The following GAB1 variants were observed in gnomAD, a reference collection of about 807,000 sequenced individuals.
The protein encoded by GAB1 is GRB2 associated binding protein 1.
A neutral mutation model predicts 66.5 loss-of-function variants in GAB1; 19 were observed. The ratio of observed to expected loss-of-function variants is 0.29; its 90% CI spans 0.20 to 0.42. The LOEUF (loss-of-function observed/expected upper bound fraction) is 0.42, where lower values mean the gene tolerates loss of function less well. GAB1 is among the 10% of genes least tolerant of loss of function. GAB1 has a pLI of 1.00. For synonymous variants in GAB1, 294 were observed against 301.4 expected, an observed-to-expected ratio of 0.98 and a Z score of 0.25; for missense variants, 732 against 858.5, an observed-to-expected ratio of 0.85 and a Z score of 1.84.
intron 8 of GAB1, chr4:143,465,899 T>C: frequency 2.4e-6 from 1 of 418,310 alleles, no homozygotes. Context: ...GTTTAACTTT[T>C]GAAACTACGT....
At chr4:143,382,712 G>A (rs1730708021) in intron 1 of GAB1, among the ~76,000 whole-genome samples, 1 of 152,068 alleles carries the variant, frequency 6.6e-6, no homozygotes, top group Admixed American at 6.6e-5. Flanking sequence ...ACACTTGGAG[G>A]ATCATATGAC....
intron 3 of GAB1, among the ~76,000 whole-genome samples, chr4:143,436,946 C>G (rs535993612): frequency 1.9e-4 from 29 of 152,118 alleles, no homozygotes; most frequent in African/African-American, 6.5e-4. Flanking sequence ...GTTGGCCATT[C>G]CCAGGGAGAG....
chr4:143,467,559 T>C (rs1735858163), intron 9 of GAB1, among the ~76,000 whole-genome samples: 1 of 152,232 alleles, frequency 6.6e-6, no homozygotes, highest in Non-Finnish European at 1.5e-5. Flanking sequence ...GAGGTCTGAA[T>C]CTGTGTATAT....
chr4:143,358,608 G>A (rs905790620), intron 1 of GAB1, among the ~76,000 whole-genome samples: 11 of 152,248 alleles, frequency 7.2e-5, no homozygotes, highest in African/African-American at 2.4e-4. Context: ...CTAAAACAAC[G>A]TTAGTGAAAC....
In GAB1 at chr4:143,349,593, G is replaced by A. The variant is rs922585052; in HGVS notation, c.72+12333G>A. 78 of 1,489,224 alleles carry A rather than the reference G, an allele frequency of 5.2e-5. No individual in the cohort carries two copies. The African/African-American group carries it at 6.9e-4, about 13-fold the overall frequency. 92.3% of individuals were successfully genotyped at this position (1,489,224 alleles called of 1,614,324 possible). A position where few individuals can be genotyped will look rare whatever the true frequency, so the allele number is the denominator to read the frequency against. On this transcript the variant is annotated intron_variant, in intron 1 of 9. Transcript: ENST00000262994. ...GGATGAGGTGCACCAGCACAGAGCC[G>A]CAGCGGCCTGTCACCTTGCAAGGGA...
Position 143,438,428 on chromosome 4 carries a change from T to G in GAB1, c.1023T>G (p.Pro341=). 1 of 1,613,942 alleles carries G rather than the reference T, an allele frequency of 6.2e-7. No homozygotes were observed. Among genetic ancestry groups the G allele is most frequent in the Non-Finnish European group, 8.5e-7 (1 of 1,179,968 alleles). ...TSKLDTIPDI[P]PPRPPKPHPA... is the part of the protein sequence containing the mutation. ...AGCTAGACACTATTCCAGATATTCC[T>G]CCACCTCGGCCACCGAAACCACATC... The change falls in exon 4 of 10, where the codon CCT becomes CCG. Residue 341 remains proline (P), a synonymous_variant. Transcript: ENST00000262994.
chr4:143,464,686 G>A (rs1735687941), intron 8 of GAB1, among the ~76,000 whole-genome samples: 1 of 152,164 alleles, frequency 6.6e-6, no homozygotes, highest in Admixed American at 6.5e-5. Flanking sequence ...GCTATGTGCT[G>A]CTCACCAAGC....
chr4:143,398,021 T>C (rs1731542873), intron 1 of GAB1, among the ~76,000 whole-genome samples: 1 of 152,190 alleles, frequency 6.6e-6, no homozygotes, highest in South Asian at 2.1e-4. Flanking sequence ...TTCACAGCAG[T>C]CTGAGAACAG....
intron 8 of GAB1, among the ~76,000 whole-genome samples, chr4:143,461,744 A>C (rs75165847): frequency 0.015 from 2,342 of 152,342 alleles, 57 homozygotes; most frequent in African/African-American, 0.054. Context: ...CCTGATGTCA[A>C]AATTTAGAAT....
At chr4:143,349,480 G>C in intron 1 of GAB1, 1 of 1,514,704 alleles carries the variant, frequency 6.6e-7, no homozygotes, top group Non-Finnish European at 9.0e-7. Flanking sequence ...GCAGCCCTGG[G>C]CTGGGGTGTA....
chr4:143,390,463 G>A (rs1200803762), intron 1 of GAB1, among the ~76,000 whole-genome samples: 1 of 147,778 alleles, frequency 6.8e-6, no homozygotes, highest in Non-Finnish European at 1.5e-5. Flanking sequence ...TTAGGTTTTT[G>A]ACTTTGCATC....
chr4:143,392,842 G>A (rs1171265601), intron 1 of GAB1, among the ~76,000 whole-genome samples: 2 of 152,080 alleles, frequency 1.3e-5, no homozygotes, highest in African/African-American at 4.8e-5. Flanking sequence ...ATCGTATATA[G>A]CTATCCATCT....
chr4:143,372,163 T>TA (rs1238311437), intron 1 of GAB1, among the ~76,000 whole-genome samples: 158 of 149,564 alleles, frequency 1.1e-3, no homozygotes, highest in African/African-American at 1.4e-3. Context: ...CATCTCAGTT[T>TA]AAAAAAAAAA....
At chr4:143,363,163 T>A (rs1581228716) in intron 1 of GAB1, among the ~76,000 whole-genome samples, 1 of 152,198 alleles carries the variant, frequency 6.6e-6, no homozygotes, top group South Asian at 2.1e-4. Context: ...TTCCTCCTCA[T>A]AGAAATTTTG....
At chr4:143,376,083 C>T (rs1017378375) in intron 1 of GAB1, among the ~76,000 whole-genome samples, 1 of 151,968 alleles carries the variant, frequency 6.6e-6, no homozygotes, top group Non-Finnish European at 1.5e-5. Context: ...GAGAACTCCT[C>T]GCCCCACACC....
intron 6 of GAB1, among the ~76,000 whole-genome samples, chr4:143,456,862 A>T (rs1578747263): frequency 6.6e-6 from 1 of 152,338 alleles, no homozygotes; most frequent in East Asian, 1.9e-4. Flanking sequence ...CAGCTCTGGC[A>T]TCCAGGCTTC....
intron 1 of GAB1, among the ~76,000 whole-genome samples, chr4:143,386,145 T>G (rs765403063): frequency 6.6e-6 from 1 of 152,100 alleles, no homozygotes; most frequent in South Asian, 2.1e-4. Context: ...TAAATAAAAA[T>G]TAAAGTGTAT....
chr4:143,423,836 A>G (rs1185940659), intron 2 of GAB1, among the ~76,000 whole-genome samples: 5 of 112,306 alleles, frequency 4.5e-5, no homozygotes, highest in Non-Finnish European at 9.3e-5. Context: ...ATATATATAT[A>G]TGTCTTCACG....
rs1560798057 is a variant in GAB1, at chr4:143,473,948, T to A, written c.*4759T>A. The A allele has an allele frequency of 6.6e-6, 1 of 152,194 alleles. No homozygotes were observed. Among genetic ancestry groups the A allele is most frequent in the Non-Finnish European group, 1.5e-5 (1 of 68,026 alleles). 9.4% of individuals were successfully genotyped at this position (152,194 alleles called of 1,614,324 possible). A position where few individuals can be genotyped will look rare whatever the true frequency, so the allele number is the denominator to read the frequency against. ...TGTAAACCATGAGACTCCTGGGTATTTGCATGTAACTTCTTTGAGGAAGTT... is the reference window on the plus strand; with the variant it reads ...TGTAAACCATGAGACTCCTGGGTATATGCATGTAACTTCTTTGAGGAAGTT... On this transcript the variant is annotated 3_prime_UTR_variant, in exon 10 of 10. Coordinates refer to ENST00000262994, the MANE Select transcript of GAB1 (RefSeq NM_002039.4).
Sources: gnomAD v4.1 joint callset for allele counts (sites outside exome capture counted in the v4.1 genomes callset) on GRCh38, gnomAD v4.1.1 for gene constraint, MANE v1.5 for transcripts, NCBI Gene and HGNC (gene_info 2026-07-23, HGNC 2026-07-21) for gene names.